The following DCST1 variants were observed in gnomAD, a reference collection of about 807,000 sequenced individuals.
The protein encoded by DCST1 is DC-STAMP domain containing 1, also known as E3 ubiquitin-protein ligase DCST1.
Under a neutral mutation model 89.1 loss-of-function variants are expected in DCST1, and 78 were observed. The observed-to-expected ratio is 0.88, with a 90% CI of 0.73 to 1.06. The LOEUF (loss-of-function observed/expected upper bound fraction) is 1.06, where lower values mean the gene tolerates loss of function less well. Among genes scored for constraint, DCST1 ranks in the 50% least tolerant of loss-of-function variants. The pLI, the probability that DCST1 is intolerant of heterozygous loss-of-function variation, is 0.00. For synonymous variants in DCST1, 364 were observed against 371.9 expected, an observed-to-expected ratio of 0.98 and a Z score of 0.24; for missense variants, 900 against 928.6, an observed-to-expected ratio of 0.97 and a Z score of 0.40.
intron 6 of DCST1, 116 bp from the exon 7 acceptor site, chr1:155,041,281 C>A: frequency 9.5e-7 from 1 of 1,051,590 alleles, no homozygotes; most frequent in Non-Finnish European, 1.4e-6. Context: ...CCTAGGCTCC[C>A]TGTCGGCCTG....
chr1:155,035,602 C>A (rs554207946), intron 4 of DCST1, among the ~76,000 whole-genome samples: 23 of 152,110 alleles, frequency 1.5e-4, no homozygotes, highest in African/African-American at 5.5e-4. Context: ...CATCTTCATA[C>A]AATAATATCA....
rs762681990 is a variant in DCST1, at chr1:155,040,510, T to C, written c.417T>C (p.Asn139=). The C allele has an allele frequency of 1.6e-5, 25 of 1,599,248 alleles. No individual in the cohort carries two copies. The highest frequency in any genetic ancestry group is 2.0e-5 in the Non-Finnish European group (23 of 1,172,310). ...GGCCAGTAGCCAATCTGCGACACAA[T>C]CTCAACAACGTGATCGCATCGCTGG... ...YVGPVANLRH[N]LNNVIASLGC... The change falls in exon 6 of 17, where the codon AAT becomes AAC. Residue 139 remains asparagine (N), a synonymous_variant. Transcript: ENST00000295542.
Position 155,047,325 on chromosome 1 carries a change from G to A in DCST1, c.1612+13G>A. The A allele has an allele frequency of 1.2e-6, 2 of 1,605,448 alleles. No individual in the cohort carries two copies. The highest frequency in any genetic ancestry group is 1.7e-6 in the Non-Finnish European group (2 of 1,172,756). On this transcript the variant is annotated intron_variant, in intron 14 of 16. Transcript: ENST00000295542. ...TCAAACAACATGCGTGAGTGATGCT[G>A]AAAGTTTGGATCAGAGGAATCGAGG...
chr1:155,049,235 T>C, intron 16 of DCST1: 1 of 583,354 alleles, frequency 1.7e-6, no homozygotes, highest in East Asian at 2.9e-5. Flanking sequence ...CTACTCCATC[T>C]GGTTGTTTTA....
chr1:155,047,797 C>T lies in DCST1; in HGVS notation c.1623C>T (p.Pro541=). The T allele has an allele frequency of 6.2e-7, 1 of 1,614,012 alleles. No individual in the cohort carries two copies. Among genetic ancestry groups the T allele is most frequent in the Middle Eastern group, 1.7e-4 (1 of 6,002 alleles). ...CTGCCCCTCCCCTAGCCTGCCTGCC[C>T]CAGCCTGTGGGCCTGGATGCCAGGG... ...VMESNNMPCL[P]QPVGLDARAY... The change falls in exon 15 of 17, where the codon CCC becomes CCT. Residue 541 remains proline, a synonymous_variant. Transcript: ENST00000295542.
intron 5 of DCST1, among the ~76,000 whole-genome samples, chr1:155,040,244 A>G (rs1388795796): frequency 3.3e-5 from 5 of 150,872 alleles, no homozygotes; most frequent in Admixed American, 6.6e-5. Flanking sequence ...CGGAGGTTGC[A>G]ATGAGCAGAG....
rs181061825 is a variant in DCST1, at chr1:155,043,943, G to A, written c.1172+434G>A. ...AAAGTCCTCAACCCCACCCAGCCCAGTGTCCAGCTGGGCTGCCCCGGGCCT... is the reference window on the plus strand; with the variant it reads ...AAAGTCCTCAACCCCACCCAGCCCAATGTCCAGCTGGGCTGCCCCGGGCCT... On this transcript the variant is annotated intron_variant, in intron 10 of 16. Coordinates refer to ENST00000295542, the MANE Select transcript of DCST1 (RefSeq NM_152494.4). 2.8e-4 allele frequency among the ~76,000 whole-genome samples: 43 copies of A among 152,290 alleles called. No individual in the cohort carries two copies. The East Asian group carries it at 7.9e-3, about 28-fold the overall frequency.
chr1:155,048,434 G>T (rs111298660), intron 16 of DCST1, among the ~76,000 whole-genome samples: 1 of 152,340 alleles, frequency 6.6e-6, no homozygotes, highest in African/African-American at 2.4e-5. Context: ...AAGTAGCCAG[G>T]ATTACAGGCA....
chr1:155,042,802 CA>C lies in DCST1; in HGVS notation c.962del (p.Asn321ThrfsTer35). On this transcript the variant is annotated frameshift_variant, in exon 9 of 17. Transcript: ENST00000295542. LOFTEE classifies it high-confidence loss of function. ...ACTTTGGGCAGACCTACGACTCCCTCAACCAGTCTATTCGTGGCCTGGATGG... is the reference window on the plus strand; with the variant it reads ...ACTTTGGGCAGACCTACGACTCCCTCACCAGTCTATTCGTGGCCTGGATGG... ...GNFGQTYDSL[N>X]QSIRGLDGEF... 6.2e-7 allele frequency: 1 copy of C among 1,614,190 alleles called. No individual in the cohort carries two copies.
intron 16 of DCST1, chr1:155,049,130 C>T (rs186070393): frequency 9.6e-5 from 68 of 711,974 alleles, no homozygotes; most frequent in African/African-American, 5.8e-4. Flanking sequence ...GTGTGTATCC[C>T]GGCTCCTTCC....
rs569121795 is a variant in DCST1 at position 155,041,377 on chromosome 1, C to A, written c.532-20C>A. On this transcript the variant is annotated intron_variant, in intron 6 of 16. Transcript: ENST00000295542. ...AAAGCCCCAGCCCTCACCCTTTCCTCCCTCCACCTCCAATCCCAGAGTAGC... is the reference window on the plus strand; with the variant it reads ...AAAGCCCCAGCCCTCACCCTTTCCTACCTCCACCTCCAATCCCAGAGTAGC... The A allele has an allele frequency of 5.6e-6, 9 of 1,612,910 alleles. No individual in the cohort carries two copies. In the East Asian group the frequency reaches 1.8e-4, roughly 32 times the overall value.
Position 155,046,002 on chromosome 1 carries a change from C to T in DCST1, c.1272+10C>T, listed in dbSNP as rs2102360716. 1 of 1,613,924 alleles carries T rather than the reference C, an allele frequency of 6.2e-7. No homozygotes were observed. The highest frequency in any genetic ancestry group is 8.5e-7 in the Non-Finnish European group (1 of 1,179,784). On this transcript the variant is annotated intron_variant, in intron 11 of 16. Coordinates refer to ENST00000295542, the MANE Select transcript of DCST1 (RefSeq NM_152494.4). ...CCGCAGGAAGAAGCTGGTGAGTGGG[C>T]ACGGCACTGCCCGGGGATGCCTTGC...
chr1:155,050,803 C>T lies in DCST1; in HGVS notation c.2056C>T (p.Pro686Ser), dbSNP rs755276188. ...GCGGCAGCGGTGCCCGGTCTGCACG[C>T]CCCGCGAAGAGCTCTCTTCCTCCGC... ...DMRQRCPVCT[P>S]REELSSSAFS... Residue 686 changes from proline (P) to serine (S), a missense_variant, in exon 17 of 17, where the codon CCC becomes TCC. Coordinates refer to ENST00000295542, the MANE Select transcript of DCST1 (RefSeq NM_152494.4). 3.1e-6 allele frequency: 5 copies of T among 1,612,070 alleles called. No homozygotes were observed. Among genetic ancestry groups the T allele is most frequent in the Non-Finnish European group, 1.7e-6 (2 of 1,179,352 alleles).
At chr1:155,038,797 C>G (rs555677200) in intron 4 of DCST1, among the ~76,000 whole-genome samples, 18 of 152,324 alleles carry the variant, frequency 1.2e-4, no homozygotes, top group Non-Finnish European at 2.2e-4. Context: ...CTTAGCACAT[C>G]GTGTTGTAGT....
chr1:155,048,214 T>G (rs1660724039), intron 16 of DCST1, 44 bp downstream of exon 16: 3 of 1,549,130 alleles, frequency 1.9e-6, no homozygotes, highest in Non-Finnish European at 1.8e-6. Flanking sequence ...TGGCTGGGTC[T>G]AAGTACAGCA....
chr1:155,039,098 T>C (rs1660352484), intron 4 of DCST1, among the ~76,000 whole-genome samples: 3 of 152,362 alleles, frequency 2.0e-5, no homozygotes, highest in Middle Eastern at 3.4e-3. Flanking sequence ...AGTGTCACTG[T>C]AGCCCGGAAA....
chr1:155,050,450 T>C lies in DCST1; in HGVS notation c.1870-167T>C, dbSNP rs762881133. 7.2e-6 allele frequency: 6 copies of C among 833,830 alleles called. 1 individual carries two copies. Among genetic ancestry groups the C allele is most frequent in the Non-Finnish European group, 1.1e-5 (6 of 552,964 alleles). 51.7% of individuals were successfully genotyped at this position (833,830 alleles called of 1,614,324 possible). ...CATCCTCCCATTCTCCATCACAGAG[T>C]TGGGGAGGGAGGCACCCTCGCCCTC... is the stretch of plus-strand genomic sequence containing the variant. On this transcript the variant is annotated intron_variant, in intron 16 of 16. Transcript: ENST00000295542.
intron 14 of DCST1, 144 bp from the exon 15 acceptor site, chr1:155,047,642 CA>C: frequency 1.4e-6 from 1 of 710,246 alleles, no homozygotes; most frequent in Admixed American, 2.8e-5. Context: ...ACAGTACTGA[CA>C]GGGCAGTTCT....
At chr1:155,049,172 C>T (rs1040262833) in intron 16 of DCST1, 4 of 677,152 alleles carry the variant, frequency 5.9e-6, no homozygotes, top group Non-Finnish European at 8.3e-6. Context: ...TGACCTTGAG[C>T]ACATGACTTA....
Sources: allele counts gnomAD v4.1 joint callset (sites outside exome capture counted in the v4.1 genomes callset), GRCh38; gene constraint gnomAD v4.1.1; transcripts MANE v1.5; gene names NCBI Gene and HGNC (gene_info 2026-07-23, HGNC 2026-07-21).